The following MEIS2 variants were observed in gnomAD, a reference collection of about 807,000 sequenced individuals.
MEIS2 encodes the protein Meis homeobox 2.
MEIS2 carries 9 observed loss-of-function variants against 58.6 expected under a neutral mutation model. The ratio of observed to expected loss-of-function variants is 0.15; its 90% CI spans 0.09 to 0.27. The LOEUF (loss-of-function observed/expected upper bound fraction) is 0.27. MEIS2 is among the 10% of genes least tolerant of loss of function. The pLI, the probability that MEIS2 is intolerant of heterozygous loss-of-function variation, is 1.00. For synonymous variants in MEIS2, 221 were observed against 228.4 expected (o/e 0.97, Z 0.29); for missense variants, 427 against 635.0 (o/e 0.67, Z 3.52).
chr15:37,005,364 T>C (rs1344606302), intron 8 of MEIS2, among the ~76,000 whole-genome samples: 1 of 152,218 alleles, frequency 6.6e-6, no homozygotes, highest in Non-Finnish European at 1.5e-5. Context: ...GTTGCTCAGT[T>C]GACTTAACTG....
At chr15:37,072,468 A>G (rs1487301690) in intron 7 of MEIS2, among the ~76,000 whole-genome samples, 3 of 152,100 alleles carry the variant, frequency 2.0e-5, no homozygotes, top group Non-Finnish European at 4.4e-5. Context: ...AAGGATCTTC[A>G]TGTACGCACC....
In MEIS2 at chr15:37,096,525, G is replaced by A. The variant is rs1393710399; in HGVS notation, c.246-95C>T. ...AATCAACAAGTTTGGAGGGTGTGGA[G>A]TCCTTCTTTAATACAACAGGCACGC... On this transcript the variant is annotated intron_variant, in intron 2 of 11. Coordinates refer to ENST00000561208, the MANE Select transcript of MEIS2 (RefSeq NM_170675.5). 2.0e-6 allele frequency: 3 copies of A among 1,467,936 alleles called. No homozygotes were observed. The East Asian group carries it at 7.0e-5, about 34-fold the overall frequency. The allele number at this position is 1,467,936 out of a possible 1,614,324, so 90.9% of individuals were successfully genotyped here.
intron 6 of MEIS2, among the ~76,000 whole-genome samples, chr15:37,087,176 A>G (rs1892988592): frequency 6.6e-6 from 1 of 152,152 alleles, no homozygotes; most frequent in African/African-American, 2.4e-5. Context: ...GCCACAATAT[A>G]TGTCCTGTTC....
intron 8 of MEIS2, among the ~76,000 whole-genome samples, chr15:37,028,000 T>C (rs1012602291): frequency 1.3e-5 from 2 of 152,184 alleles, no homozygotes; most frequent in African/African-American, 4.8e-5. Context: ...GTACATTCTA[T>C]GGGTTTGGAC....
At chr15:37,056,164 T>C (rs1888372490) in intron 7 of MEIS2, among the ~76,000 whole-genome samples, 1 of 152,202 alleles carries the variant, frequency 6.6e-6, no homozygotes, top group Non-Finnish European at 1.5e-5. Context: ...ATAGAGAGTC[T>C]TTCTTCATGT....
chr15:37,061,094 T>C (rs1324800964), intron 7 of MEIS2, among the ~76,000 whole-genome samples: 1 of 152,208 alleles, frequency 6.6e-6, no homozygotes, highest in African/African-American at 2.4e-5. Flanking sequence ...GGGGTGCGGC[T>C]ACCCAAGGCT....
chr15:37,098,495 C>G (rs1377175481), intron 1 of MEIS2: 5 of 767,428 alleles, frequency 6.5e-6, no homozygotes, highest in Non-Finnish European at 8.7e-6. Context: ...AGAAACCAAA[C>G]CAGCCAAAAC....
chr15:36,988,247 T>C (rs2060156975), intron 8 of MEIS2, among the ~76,000 whole-genome samples: 1 of 152,254 alleles, frequency 6.6e-6, no homozygotes, highest in Admixed American at 6.5e-5. Context: ...ATATACCTTG[T>C]ATATAATAAA....
chr15:37,020,755 A>C (rs574141411), intron 8 of MEIS2, among the ~76,000 whole-genome samples: 1 of 148,776 alleles, frequency 6.7e-6, no homozygotes, highest in East Asian at 2.0e-4. Flanking sequence ...GTTATGGGGG[A>C]AAAAAAAACC....
At chr15:36,930,708 G>A (rs1281236694) in intron 9 of MEIS2, among the ~76,000 whole-genome samples, 1 of 152,080 alleles carries the variant, frequency 6.6e-6, no homozygotes, top group Non-Finnish European at 1.5e-5. Context: ...TTAAAGAAGA[G>A]GAAAGATACA....
At chr15:36,942,972 C>T (rs1421899446) in intron 9 of MEIS2, among the ~76,000 whole-genome samples, 1 of 151,986 alleles carries the variant, frequency 6.6e-6, no homozygotes, top group African/African-American at 2.4e-5. Flanking sequence ...TTACAAGCCC[C>T]CTTTCTATTT....
chr15:37,042,615 T>C (rs1011682430), intron 7 of MEIS2, among the ~76,000 whole-genome samples: 7 of 152,204 alleles, frequency 4.6e-5, no homozygotes, highest in Non-Finnish European at 8.8e-5. Flanking sequence ...CTGTTATCAA[T>C]GGCAGATCCA....
intron 7 of MEIS2, among the ~76,000 whole-genome samples, chr15:37,076,478 C>A (rs1891431367): frequency 6.6e-6 from 1 of 151,956 alleles, no homozygotes; most frequent in Non-Finnish European, 1.5e-5. Context: ...TTAAGACCCC[C>A]AAGGCTATGT....
intron 8 of MEIS2, among the ~76,000 whole-genome samples, chr15:36,965,464 C>T (rs2059323684): frequency 6.6e-6 from 1 of 152,166 alleles, no homozygotes; most frequent in South Asian, 2.1e-4. Flanking sequence ...ACCTCTCTGT[C>T]CCTCCAGAAT....
intron 7 of MEIS2, among the ~76,000 whole-genome samples, chr15:37,063,788 A>C (rs1318547336): frequency 1.3e-5 from 2 of 152,230 alleles, no homozygotes; most frequent in Non-Finnish European, 2.9e-5. Flanking sequence ...TTTTTAAACA[A>C]GAAATTAGTT....
At chr15:37,069,142 C>A (rs1301573570) in intron 7 of MEIS2, among the ~76,000 whole-genome samples, 1 of 152,010 alleles carries the variant, frequency 6.6e-6, no homozygotes, top group Non-Finnish European at 1.5e-5. Flanking sequence ...CCTTTTAGAA[C>A]AAGAAATAGA....
intron 9 of MEIS2, among the ~76,000 whole-genome samples, chr15:36,912,231 T>C (rs574287449): frequency 6.6e-6 from 1 of 152,346 alleles, no homozygotes; most frequent in East Asian, 1.9e-4. Context: ...ATGGAGTGGC[T>C]GGGTAAATTA....
At chr15:37,021,768 C>G (rs60149115) in intron 8 of MEIS2, among the ~76,000 whole-genome samples, 1 of 152,186 alleles carries the variant, frequency 6.6e-6, no homozygotes, top group East Asian at 1.9e-4. Flanking sequence ...TAGAAACTTT[C>G]TAATATAAAA....
intron 2 of MEIS2, chr15:37,096,647 G>T: frequency 2.2e-6 from 1 of 453,602 alleles, no homozygotes; most frequent in Non-Finnish European, 3.8e-6. Flanking sequence ...AGGTCCCTCA[G>T]ATCTGGCCAG....
Sources: gnomAD v4.1 joint callset for allele counts (sites outside exome capture counted in the v4.1 genomes callset) on GRCh38, gnomAD v4.1.1 for gene constraint, MANE v1.5 for transcripts, NCBI Gene and HGNC (gene_info 2026-07-23, HGNC 2026-07-21) for gene names.